The following ALPK2 variants were observed in gnomAD, a reference collection of about 807,000 sequenced individuals.
ALPK2 encodes the protein alpha-protein kinase 2.
In ALPK2, 127 loss-of-function variants were observed where a neutral mutation model predicts 163.1. The observed-to-expected ratio is 0.78, with a 90% CI of 0.67 to 0.90. The LOEUF (loss-of-function observed/expected upper bound fraction) is 0.90, where lower values mean the gene tolerates loss of function less well. Ranked by LOEUF, ALPK2 falls within the 40% of genes least tolerant of loss-of-function variation. The pLI is 0.00. For synonymous variants in ALPK2, 953 were observed against 959.1 expected (o/e 0.99, Z 0.12); for missense variants, 2,360 against 2,589.6 (o/e 0.91, Z 1.92).
intron 5 of ALPK2, 34 bp downstream of exon 5, chr18:58,534,800 A>G (rs2051634169): frequency 6.4e-7 from 1 of 1,563,132 alleles, no homozygotes. Flanking sequence ...ACAAGCCCAA[A>G]CTTTAACAAT....
chr18:58,587,793 G>A (rs565819254), intron 3 of ALPK2, among the ~76,000 whole-genome samples: 2 of 152,144 alleles, frequency 1.3e-5, no homozygotes, highest in African/African-American at 2.4e-5. Context: ...CCCCATAGGA[G>A]AGAAGATAGA....
In ALPK2 at chr18:58,488,776, T is replaced by A. The variant is rs545796495; in HGVS notation, c.6297-6737A>T. 1.6e-4 allele frequency among the ~76,000 whole-genome samples: 24 copies of A among 151,932 alleles called. No homozygotes were observed. In the East Asian group the frequency reaches 4.5e-3, roughly 28 times the overall value. ...GTGAAGAATTGAAACAAAGCCATGG[T>A]CTGGTGTGTGATGTGTGTGTGTAAA... On this transcript the variant is annotated intron_variant, in intron 12 of 12. Coordinates refer to ENST00000361673, the MANE Select transcript of ALPK2 (RefSeq NM_052947.4).
At position 58,611,711 on chromosome 18, in the gene ALPK2, A is replaced by G. The variant is rs2052132352; in HGVS notation, c.87T>C (p.Ala29=). ...LSQKVPEKSD[A]VLRCIISGQP... Reference sequence around the variant, plus strand: ...TACCAGATATTATGCAGCGAAGCACAGCGTCTGACTTCTCAGGAACCTTCT... The same window carrying G: ...TACCAGATATTATGCAGCGAAGCACGGCGTCTGACTTCTCAGGAACCTTCT... Residue 29 remains alanine, a synonymous_variant, in exon 2 of 13, where the codon GCT becomes GCC. Coordinates refer to ENST00000361673, the MANE Select transcript of ALPK2 (RefSeq NM_052947.4). The G allele has an allele frequency of 6.2e-7, 1 of 1,613,074 alleles. No individual in the cohort carries two copies. Among genetic ancestry groups the G allele is most frequent in the Middle Eastern group, 1.7e-4 (1 of 6,058 alleles).
intron 8 of ALPK2, among the ~76,000 whole-genome samples, chr18:58,521,966 A>T (rs980460417): frequency 6.6e-6 from 1 of 151,968 alleles, no homozygotes; most frequent in Admixed American, 6.6e-5. Flanking sequence ...TCAGTTTCTT[A>T]CTTTTGATAC....
chr18:58,580,412 C>G lies in ALPK2; in HGVS notation c.364G>C (p.Asp122His). The G allele has an allele frequency of 5.0e-6, 8 of 1,614,186 alleles. No individual in the cohort carries two copies. Among genetic ancestry groups the G allele is most frequent in the Non-Finnish European group, 6.8e-6 (8 of 1,180,038 alleles). Reference protein sequence around the residue: ...QLSPNLEDDRDRGWKHETGTH... With the variant: ...QLSPNLEDDRHRGWKHETGTH... The stretch of plus-strand genomic sequence containing the variant: ...CCTGTTTCATGTTTCCAACCCCTGT[C>G]CCTGTCATCTTCCAGGTTAGGAGAC... Residue 122 changes from aspartate (D) to histidine (H), a missense_variant, in exon 4 of 13, where the codon GAC (aspartate) becomes CAC (histidine). Asp to His is a moderately conservative substitution (Grantham distance 81). Coordinates refer to ENST00000361673, the MANE Select transcript of ALPK2 (RefSeq NM_052947.4).
At chr18:58,559,914 C>T (rs552620113) in intron 4 of ALPK2, among the ~76,000 whole-genome samples, 2 of 152,276 alleles carry the variant, frequency 1.3e-5, no homozygotes, top group South Asian at 2.1e-4. Flanking sequence ...TAACAAATGA[C>T]CACAAATTTA....
chr18:58,494,014 C>T (rs531298100), intron 12 of ALPK2, among the ~76,000 whole-genome samples: 6 of 152,248 alleles, frequency 3.9e-5, no homozygotes, highest in East Asian at 1.9e-4. Flanking sequence ...GTCGCCTCCC[C>T]GGGAACTCCC....
At position 58,607,459 on chromosome 18, in the gene ALPK2, A is replaced by G. The variant is rs1010108278; in HGVS notation, c.110-20T>C. 1.3e-5 allele frequency: 20 copies of G among 1,505,208 alleles called. No homozygotes were observed. The highest frequency in any genetic ancestry group is 1.8e-5 in the Non-Finnish European group (20 of 1,103,852). The allele number at this position is 1,505,208 out of a possible 1,614,324, so 93.2% of individuals were successfully genotyped here. On this transcript the variant is annotated intron_variant, in intron 2 of 12. Coordinates refer to ENST00000361673, the MANE Select transcript of ALPK2 (RefSeq NM_052947.4). ...GCTGACCTGACAATAAAGAAAGAAA[A>G]GTATCCTTATTAGTTTAAGTATTTT...
At chr18:58,575,287 T>C (rs1202566231) in intron 4 of ALPK2, among the ~76,000 whole-genome samples, 1 of 152,172 alleles carries the variant, frequency 6.6e-6, no homozygotes, top group Non-Finnish European at 1.5e-5. Flanking sequence ...TGGCTACTTA[T>C]CCAGTCAATA....
intron 4 of ALPK2, among the ~76,000 whole-genome samples, chr18:58,568,067 T>G (rs1340593485): frequency 6.6e-6 from 1 of 152,208 alleles, no homozygotes; most frequent in Non-Finnish European, 1.5e-5. Flanking sequence ...GCAGTCCAAG[T>G]GAGTTTCCCG....
chr18:58,610,615 G>A (rs898676079), intron 2 of ALPK2, among the ~76,000 whole-genome samples: 2 of 152,108 alleles, frequency 1.3e-5, no homozygotes, highest in African/African-American at 4.8e-5. Context: ...TGAAGAAGGC[G>A]TGCAGAGGAG....
chr18:58,489,271 C>T (rs899376520), intron 12 of ALPK2, among the ~76,000 whole-genome samples: 1 of 152,254 alleles, frequency 6.6e-6, no homozygotes, highest in South Asian at 2.1e-4. Flanking sequence ...TGTTTCAAAG[C>T]CGTGCCGTGC....
chr18:58,503,370 G>A (rs1199446323), intron 11 of ALPK2, among the ~76,000 whole-genome samples: 1 of 152,184 alleles, frequency 6.6e-6, no homozygotes, highest in Non-Finnish European at 1.5e-5. Context: ...CTGTTGTAAT[G>A]GGAAGGCATT....
intron 4 of ALPK2, among the ~76,000 whole-genome samples, chr18:58,573,413 T>TG (rs1491414094): frequency 6.8e-5 from 5 of 73,338 alleles, no homozygotes; most frequent in African/African-American, 1.1e-4. Flanking sequence ...TATATATATG[T>TG]TTTTTTTTTT....
intron 4 of ALPK2, 43 bp downstream of exon 4, chr18:58,578,771 C>CACACACACACACACACACACACACACACT: frequency 1.9e-6 from 3 of 1,562,124 alleles, no homozygotes; most frequent in Non-Finnish European, 1.7e-6. Context: ...CACACACACA[C>CACACACACACACACACACACACACACACT]GGTTCTTTTT....
chr18:58,488,181 G>A (rs2051350251), intron 12 of ALPK2, among the ~76,000 whole-genome samples: 1 of 152,164 alleles, frequency 6.6e-6, no homozygotes, highest in Admixed American at 6.6e-5. Flanking sequence ...TATATCTTAT[G>A]TTTATGAAGT....
rs1186583254 is a variant in ALPK2 at position 58,538,166 on chromosome 18, G to C, written c.2021C>G (p.Ser674Ter). 6.8e-6 allele frequency: 11 copies of C among 1,613,684 alleles called. No individual in the cohort carries two copies. The highest frequency in any genetic ancestry group is 8.5e-6 in the Non-Finnish European group (10 of 1,180,018). ...TGGGGACTCCTCCCCAGCAGGCTCT[G>C]AGAAAGCTGGCATCTGGCTGCAAGA... The part of the protein sequence containing the change: ...TISCSQMPAF[S>*]EPAGEESPFT... The change falls in exon 5 of 13, where the codon TCA (serine) becomes TGA (stop). Residue 674 changes from serine to a stop codon, truncating the protein, a stop_gained. Transcript: ENST00000361673. LOFTEE classifies it high-confidence loss of function.
At chr18:58,567,098 C>G (rs1202248018) in intron 4 of ALPK2, among the ~76,000 whole-genome samples, 3 of 151,976 alleles carry the variant, frequency 2.0e-5, no homozygotes, top group Admixed American at 1.3e-4. Context: ...AGGTTCAGGC[C>G]TGCATATTTT....
intron 4 of ALPK2, among the ~76,000 whole-genome samples, chr18:58,539,819 C>T (rs1017703962): frequency 1.9e-4 from 29 of 152,154 alleles, no homozygotes; most frequent in Middle Eastern, 3.2e-3. Context: ...ATGTACTGCC[C>T]GTGGGAAGCA....
Sources: gnomAD v4.1 joint callset for allele counts (sites outside exome capture counted in the v4.1 genomes callset) on GRCh38, gnomAD v4.1.1 for gene constraint, MANE v1.5 for transcripts, NCBI Gene and HGNC (gene_info 2026-07-23, HGNC 2026-07-21) for gene names.